Variants in KLF8 observed in about 807,000 individuals in gnomAD.
KLF8 encodes the protein KLF transcription factor 8.
In KLF8, 10 loss-of-function variants were observed where a neutral mutation model predicts 18.2. The observed-to-expected ratio is 0.55, with a 90% CI of 0.34 to 0.93. The LOEUF (loss-of-function observed/expected upper bound fraction) is 0.93, where lower values mean the gene tolerates loss of function less well. Ranked by LOEUF, KLF8 falls within the 40% of genes least tolerant of loss-of-function variation. The pLI is 0.02. For missense variants in KLF8, 264 were observed against 277.9 expected (o/e 0.95, Z 0.36); for synonymous variants, 109 against 97.3 (o/e 1.12, Z -0.71).
chrX:56,158,296 T>G, the KLF8 span, among the ~76,000 whole-genome samples: 1 of 111,804 alleles, frequency 8.9e-6, no homozygotes, highest in Non-Finnish European at 1.9e-5. Flanking sequence ...ACTGTAGCCT[T>G]GTAGTATAGT....
the KLF8 span, among the ~76,000 whole-genome samples, chrX:56,155,019 A>G: frequency 1.1e-4 from 12 of 112,246 alleles, no homozygotes; most frequent in Non-Finnish European, 1.9e-4. Context: ...ACTGTAAACT[A>G]GTTCAACCAT....
At chrX:55,935,105 C>A in the KLF8 span, among the ~76,000 whole-genome samples, 1 of 112,317 alleles carries the variant, frequency 8.9e-6, no homozygotes, top group African/African-American at 3.2e-5. Flanking sequence ...AAAAAGTGTT[C>A]AATAAATGTT....
At chrX:55,940,255 A>G in the KLF8 span, among the ~76,000 whole-genome samples, 4 of 112,061 alleles carry the variant, frequency 3.6e-5, no homozygotes, top group East Asian at 1.1e-3. Context: ...TCCAGCATAT[A>G]AACAGAACCA....
At chrX:56,098,116 G>A in the KLF8 span, among the ~76,000 whole-genome samples, 2 of 111,496 alleles carry the variant, frequency 1.8e-5, no homozygotes, top group Admixed American at 9.6e-5. Flanking sequence ...AAAAGAGCCT[G>A]GCACTTCCCA....
At chrX:56,185,581 C>A in the KLF8 span, among the ~76,000 whole-genome samples, 1 of 111,328 alleles carries the variant, frequency 9.0e-6, no homozygotes, top group Admixed American at 9.6e-5. Context: ...GTCAGATTCT[C>A]CAAAGTTGAA....
chrX:55,962,172 T>A, the KLF8 span: 5 of 157,446 alleles, frequency 3.2e-5, no homozygotes, highest in African/African-American at 1.6e-4. Context: ...CCAGATTGCT[T>A]CTACCATTCT....
chrX:55,935,290 T>A, the KLF8 span, among the ~76,000 whole-genome samples: 1 of 111,657 alleles, frequency 9.0e-6, no homozygotes, highest in Non-Finnish European at 1.9e-5. Flanking sequence ...CTCCTGGGTA[T>A]AGACTCTTTA....
the KLF8 span, among the ~76,000 whole-genome samples, chrX:56,082,321 A>T: frequency 3.6e-5 from 4 of 111,145 alleles, no homozygotes; most frequent in Admixed American, 3.8e-4. Context: ...TTCATTTGTG[A>T]TGTCAGTTAC....
At chrX:55,988,950 T>C in the KLF8 span, among the ~76,000 whole-genome samples, 6 of 111,750 alleles carry the variant, frequency 5.4e-5, no homozygotes, top group African/African-American at 2.0e-4. Context: ...AGGTATTTTA[T>C]TCTCTTTGAA....
chrX:56,069,120 A>G, the KLF8 span, among the ~76,000 whole-genome samples: 1 of 111,409 alleles, frequency 9.0e-6, no homozygotes, highest in Non-Finnish European at 1.9e-5. Flanking sequence ...AGGAGAGGTG[A>G]CCCCACCCAC....
At chrX:56,113,614 G>GA in the KLF8 span, among the ~76,000 whole-genome samples, 1 of 54,615 alleles carries the variant, frequency 1.8e-5, no homozygotes, top group Admixed American at 2.3e-4. Context: ...GGAGAAAAAA[G>GA]AAAAAAAGAA....
chrX:56,049,008 G>T, the KLF8 span, among the ~76,000 whole-genome samples: 23 of 111,150 alleles, frequency 2.1e-4, no homozygotes, highest in Admixed American at 2.2e-3. Flanking sequence ...GGATTCCTAG[G>T]TATTTTATTC....
chrX:55,935,731 T>C, the KLF8 span, among the ~76,000 whole-genome samples: 1 of 112,092 alleles, frequency 8.9e-6, no homozygotes, highest in African/African-American at 3.2e-5. Context: ...TAAAAATATA[T>C]CACTTATACT....
At chrX:56,088,893 T>C in the KLF8 span, among the ~76,000 whole-genome samples, 2 of 111,614 alleles carry the variant, frequency 1.8e-5, no homozygotes, top group Non-Finnish European at 3.8e-5. Flanking sequence ...TAGAGAAACT[T>C]TGGCTACAAG....
At chrX:56,125,776 G>C in the KLF8 span, among the ~76,000 whole-genome samples, 1 of 111,804 alleles carries the variant, frequency 8.9e-6, no homozygotes, top group Non-Finnish European at 1.9e-5. Context: ...TTTAGGGTGT[G>C]ATATACTCTC....
the KLF8 span, among the ~76,000 whole-genome samples, chrX:55,937,646 T>C: frequency 9.0e-6 from 1 of 111,478 alleles, no homozygotes; most frequent in Non-Finnish European, 1.9e-5. Flanking sequence ...GACAAACGAC[T>C]AACTAGAATA....
chrX:56,159,010 A>G, the KLF8 span, among the ~76,000 whole-genome samples: 96 of 111,758 alleles, frequency 8.6e-4, no homozygotes, highest in Non-Finnish European at 1.4e-3. Context: ...TCAGTATGAT[A>G]TTGGATGTGG....
chrX:56,057,481 C>T, the KLF8 span, among the ~76,000 whole-genome samples: 4 of 111,561 alleles, frequency 3.6e-5, no homozygotes, highest in Non-Finnish European at 5.7e-5. Context: ...TGTTGGCCCA[C>T]GGGAAGCTGC....
the KLF8 span, among the ~76,000 whole-genome samples, chrX:56,053,327 T>C: frequency 8.9e-6 from 1 of 112,031 alleles, no homozygotes; most frequent in Non-Finnish European, 1.9e-5. Flanking sequence ...TTGAGTTGTG[T>C]ATGTTGAACC....
Sources: allele counts gnomAD v4.1 joint callset (sites outside exome capture counted in the v4.1 genomes callset), GRCh38; gene constraint gnomAD v4.1.1; transcripts MANE v1.5; gene names NCBI Gene and HGNC (gene_info 2026-07-23, HGNC 2026-07-21).